Variants in INPP4B observed in about 807,000 individuals in gnomAD.
The protein encoded by INPP4B is inositol polyphosphate-4-phosphatase type II B.
In INPP4B, 55 loss-of-function variants were observed where a neutral mutation model predicts 122.5. That is an observed-to-expected ratio of 0.45 (90% CI 0.36 to 0.56). INPP4B has a LOEUF of 0.56. Among genes scored for constraint, INPP4B ranks in the 20% least tolerant of loss-of-function variants. The pLI is 0.00. For synonymous variants in INPP4B, 403 were observed against 388.7 expected (o/e 1.04, Z -0.43); for missense variants, 1,000 against 1,097.7 (o/e 0.91, Z 1.26).
chr4:142,806,046 T>C (rs1300807422), intron 1 of INPP4B, among the ~76,000 whole-genome samples: 1 of 151,762 alleles, frequency 6.6e-6, no homozygotes, highest in Non-Finnish European at 1.5e-5. Context: ...TTGGGAGGCC[T>C]AGGCGGGCGG....
intron 2 of INPP4B, among the ~76,000 whole-genome samples, chr4:142,614,083 G>A (rs1743168248): frequency 6.6e-6 from 1 of 152,046 alleles, no homozygotes; most frequent in East Asian, 1.9e-4. Context: ...AAAAATAGAT[G>A]CACAGATCAA....
At chr4:142,125,361 G>GA (rs57841544) in intron 18 of INPP4B, among the ~76,000 whole-genome samples, 20,358 of 146,566 alleles carry the variant, frequency 0.14, 1,534 homozygotes, top group East Asian at 0.24. Flanking sequence ...AAAATATTTT[G>GA]AAAAAAAAAC....
chr4:142,797,672 A>G (rs1305688286), intron 1 of INPP4B, among the ~76,000 whole-genome samples: 4 of 151,950 alleles, frequency 2.6e-5, no homozygotes, highest in African/African-American at 9.7e-5. Flanking sequence ...AAAATAATAA[A>G]AGATTGCTAA....
At chr4:142,253,397 G>C (rs901671158) in intron 11 of INPP4B, among the ~76,000 whole-genome samples, 2 of 152,242 alleles carry the variant, frequency 1.3e-5, no homozygotes, top group African/African-American at 2.4e-5. Flanking sequence ...CTCCCAGTGT[G>C]AGCGATGCAG....
Position 142,511,806 on chromosome 4 carries a change from T to C in INPP4B, c.-190-49080A>G, listed in dbSNP as rs142628101. ...CCACTATAGGATAGAGTTAAAAGAA[T>C]ATTTGCATATATTTTCATAACTGAT... On this transcript the variant is annotated intron_variant, in intron 2 of 25. Coordinates refer to ENST00000262992, the MANE Select transcript of INPP4B (RefSeq NM_001101669.3). 2.4e-3 allele frequency among the ~76,000 whole-genome samples: 367 copies of C among 152,270 alleles called. 1 individual carries two copies. The highest frequency in any genetic ancestry group is 8.4e-3 in the African/African-American group (348 of 41,534).
At chr4:142,094,584 G>GCCAGA (rs1781033584) in intron 23 of INPP4B, among the ~76,000 whole-genome samples, 1 of 152,146 alleles carries the variant, frequency 6.6e-6, no homozygotes, top group Non-Finnish European at 1.5e-5. Context: ...ATACACCAAG[G>GCCAGA]TCAGATGACA....
intron 23 of INPP4B, among the ~76,000 whole-genome samples, chr4:142,093,381 C>T (rs336294): frequency 0.89 from 136,165 of 152,146 alleles, 62,424 homozygotes; most frequent in Non-Finnish European, 0.99. Flanking sequence ...TGAGCATAAA[C>T]AAAATGATTC....
At chr4:142,187,385 G>T (rs752790020) in intron 15 of INPP4B, among the ~76,000 whole-genome samples, 3 of 151,872 alleles carry the variant, frequency 2.0e-5, no homozygotes, top group Non-Finnish European at 4.4e-5. Context: ...ATAAATTTTA[G>T]CTATAGCCTA....
At chr4:142,060,488 A>AT (rs1760047287) in intron 25 of INPP4B, among the ~76,000 whole-genome samples, 1 of 152,184 alleles carries the variant, frequency 6.6e-6, no homozygotes. Flanking sequence ...AAGGTCATGC[A>AT]TTTTATGGAT....
Position 142,138,017 on chromosome 4 carries a change from C to T in INPP4B, c.1720+7823G>A, listed in dbSNP as rs537152150. On this transcript the variant is annotated intron_variant, in intron 18 of 25. Coordinates refer to ENST00000262992, the MANE Select transcript of INPP4B (RefSeq NM_001101669.3). ...TCTAGAACTGGAAATACCATTTGAC[C>T]CAGCCATCCCATTACTGGGTATATA... Among the ~76,000 whole-genome samples the T allele has an allele frequency of 4.2e-4, 64 of 152,088 alleles. 1 individual carries two copies. In the South Asian group the frequency reaches 0.013, roughly 31 times the overall value.
chr4:142,794,815 G>C (rs1333532465), intron 1 of INPP4B, among the ~76,000 whole-genome samples: 1 of 151,736 alleles, frequency 6.6e-6, no homozygotes, highest in Non-Finnish European at 1.5e-5. Flanking sequence ...CCCAAAATTT[G>C]GGCAATGTAA....
intron 21 of INPP4B, among the ~76,000 whole-genome samples, chr4:142,114,585 A>C (rs1338661380): frequency 2.6e-5 from 4 of 152,044 alleles, no homozygotes; most frequent in Admixed American, 2.0e-4. Context: ...GGCTATTCAA[A>C]CTTTTTGCCC....
chr4:142,328,366 T>G (rs1773237063), intron 7 of INPP4B, among the ~76,000 whole-genome samples: 1 of 152,206 alleles, frequency 6.6e-6, no homozygotes, highest in Admixed American at 6.5e-5. Flanking sequence ...TTCCTACATT[T>G]CAAACCATAA....
At chr4:142,763,157 A>G (rs1771595027) in intron 1 of INPP4B, among the ~76,000 whole-genome samples, 1 of 152,134 alleles carries the variant, frequency 6.6e-6, no homozygotes, top group African/African-American at 2.4e-5. Flanking sequence ...AAGTCCTTTA[A>G]TTTCTCTAAG....
At chr4:142,069,651 A>T (rs533816030) in intron 25 of INPP4B, among the ~76,000 whole-genome samples, 2 of 152,314 alleles carry the variant, frequency 1.3e-5, no homozygotes, top group South Asian at 4.1e-4. Flanking sequence ...GATAAAGGGG[A>T]TATCAACACC....
intron 1 of INPP4B, among the ~76,000 whole-genome samples, chr4:142,819,104 C>A (rs144019169): frequency 1.3e-5 from 2 of 152,116 alleles, no homozygotes; most frequent in African/African-American, 4.8e-5. Flanking sequence ...AAGAGAAGCC[C>A]GAACACTTGT....
intron 11 of INPP4B, among the ~76,000 whole-genome samples, chr4:142,239,121 G>C (rs996283883): frequency 1.3e-5 from 2 of 151,982 alleles, no homozygotes; most frequent in Non-Finnish European, 2.9e-5. Flanking sequence ...TTCACTACTT[G>C]GGTAAAAATA....
At chr4:142,358,947 A>T (rs1784511100) in intron 7 of INPP4B, among the ~76,000 whole-genome samples, 1 of 151,964 alleles carries the variant, frequency 6.6e-6, no homozygotes, top group South Asian at 2.1e-4. Context: ...CAATGTGGCA[A>T]GTCATCTTGC....
intron 2 of INPP4B, among the ~76,000 whole-genome samples, chr4:142,565,627 G>T (rs1319415545): frequency 6.6e-6 from 1 of 152,080 alleles, no homozygotes; most frequent in African/African-American, 2.4e-5. Flanking sequence ...AATCATTAAC[G>T]GATACTAAAA....
Sources: allele counts gnomAD v4.1 joint callset (sites outside exome capture counted in the v4.1 genomes callset), GRCh38; gene constraint gnomAD v4.1.1; transcripts MANE v1.5; gene names NCBI Gene and HGNC (gene_info 2026-07-23, HGNC 2026-07-21).